The following PPL variants were observed in gnomAD, a reference collection of about 807,000 sequenced individuals.
PPL encodes periplakin.
PPL carries 198 observed loss-of-function variants against 194.4 expected under a neutral mutation model. The ratio of observed to expected loss-of-function variants is 1.02; its 90% CI spans 0.91 to 1.15. The LOEUF (loss-of-function observed/expected upper bound fraction) is 1.15. Ranked by LOEUF, PPL falls within the 50% of genes most tolerant of loss-of-function variation. The pLI is 0.00. For synonymous variants in PPL, 1,220 were observed against 972.4 expected (o/e 1.25, Z -4.74); for missense variants, 2,885 against 2,294.8 (o/e 1.26, Z -5.25).
At chr16:4,897,616 G>T in intron 9 of PPL, 59 bp downstream of exon 9, 1 of 1,381,244 alleles carries the variant, frequency 7.2e-7, no homozygotes, top group Non-Finnish European at 1.0e-6. Context: ...GGTAGGCACT[G>T]AGCGCTCTCA....
chr16:4,904,764 C>T (rs2088650016), intron 2 of PPL, among the ~76,000 whole-genome samples: 1 of 152,020 alleles, frequency 6.6e-6, no homozygotes, highest in African/African-American at 2.4e-5. Context: ...TGCTTAAAGG[C>T]GATGCCTCCA....
chr16:4,904,747 C>G (rs2088649469), intron 2 of PPL, among the ~76,000 whole-genome samples: 1 of 152,016 alleles, frequency 6.6e-6, no homozygotes. Context: ...CTGCACAGCT[C>G]CATTTGTGCT....
Position 4,887,201 on chromosome 16 carries a change from A to T in PPL, c.2541T>A (p.Thr847=). 6.2e-7 allele frequency: 1 copy of T among 1,614,130 alleles called. No individual in the cohort carries two copies. Among genetic ancestry groups the T allele is most frequent in the South Asian group, 1.1e-5 (1 of 91,080 alleles). The stretch of plus-strand genomic sequence containing the variant: ...TCTGTCTGTTGATGGCATAAACTTC[A>T]GTGAACTTGGCGGCAAGTGCTGCTT... ...EEEAALAAKF[T]EVYAINRQRL... Residue 847 remains threonine (T), a synonymous_variant, in exon 21 of 22, where the codon ACT becomes ACA. Coordinates refer to ENST00000345988, the MANE Select transcript of PPL (RefSeq NM_002705.5).
chr16:4,924,141 C>T (rs1296563761), intron 1 of PPL, among the ~76,000 whole-genome samples: 1 of 152,142 alleles, frequency 6.6e-6, no homozygotes, highest in Non-Finnish European at 1.5e-5. Context: ...GAAACTGAAC[C>T]TGAGCCACAC....
chr16:4,903,757 G>T, intron 3 of PPL, 129 bp downstream of exon 3: 1 of 1,052,354 alleles, frequency 9.5e-7, no homozygotes, highest in Non-Finnish European at 1.4e-6. Flanking sequence ...TGAAGCCTTT[G>T]GCACGTGCCT....
chr16:4,893,771 G>A, intron 12 of PPL, 133 bp from the exon 13 acceptor site: 1 of 677,690 alleles, frequency 1.5e-6, no homozygotes, highest in African/African-American at 1.8e-5. Flanking sequence ...GACAGCAAGT[G>A]CTCACTGTGG....
At chr16:4,901,401 A>G (rs1596558282) in intron 4 of PPL, among the ~76,000 whole-genome samples, 1 of 152,184 alleles carries the variant, frequency 6.6e-6, no homozygotes. Context: ...TAACATTGGG[A>G]AAGCTGGCCA....
Position 4,883,151 on chromosome 16 carries a change from T to C in PPL, c.*233A>G, listed in dbSNP as rs1332285388. On this transcript the variant is annotated 3_prime_UTR_variant, in exon 22 of 22. Transcript: ENST00000345988. The surrounding 1 kb of genome is among the most constrained non-coding windows in gnomAD (Gnocchi z 4.8). ...AGGAAAAGGCATCGCAGTTGTCCAG[T>C]CATTGGAGGATGAAGTACGTCACTC... The C allele has an allele frequency of 3.6e-6, 2 of 554,604 alleles. No individual in the cohort carries two copies. Among genetic ancestry groups the C allele is most frequent in the Non-Finnish European group, 6.4e-6 (2 of 313,310 alleles). The allele number at this position is 554,604 out of a possible 1,614,324, so 34.4% of individuals were successfully genotyped here.
rs113999036 is a variant in PPL at position 4,902,592 on chromosome 16, C to G, written c.318-66G>C. On this transcript the variant is annotated intron_variant, in intron 3 of 21. Transcript: ENST00000345988. This position sits in a 1 kb window ranked among gnomAD's most constrained non-coding sequence, Gnocchi z 4.0. ...ACTGCCTGCACCCCAGGAGGGGCCC[C>G]CCACCCAGACCCCGGCCTCAGTGTC... The G allele has an allele frequency of 1.4e-3, 2,141 of 1,565,138 alleles. 31 individuals are homozygous for G. In the African/African-American group the frequency reaches 0.026, roughly 19 times the overall value.
intron 8 of PPL, among the ~76,000 whole-genome samples, chr16:4,898,308 G>A (rs1208778378): frequency 1.3e-5 from 2 of 152,170 alleles, no homozygotes; most frequent in South Asian, 2.1e-4. Flanking sequence ...AACCCGGGAG[G>A]TGGAGGTTGC....
rs1382731664 is a variant in PPL at position 4,890,314 on chromosome 16, G to T, written c.2183C>A (p.Ala728Asp). Reference protein sequence around the residue: ...VERRAQSLQSAKAAYEHFHRG... With the variant: ...VERRAQSLQSDKAAYEHFHRG... The stretch of plus-strand genomic sequence containing the variant: ...GTGGAAGTGCTCGTAGGCTGCCTTG[G>T]CGCTCTGTAGGCTCTGCGCCCTGTC... The change falls in exon 18 of 22, where the codon GCC becomes GAC. Residue 728 changes from alanine to aspartate, a missense_variant. Ala to Asp is a moderately radical substitution (Grantham distance 126, BLOSUM62 -2). Transcript: ENST00000345988. 1 of 1,613,724 alleles carries T rather than the reference G, an allele frequency of 6.2e-7. No homozygotes were observed. Among genetic ancestry groups the T allele is most frequent in the African/African-American group, 1.3e-5 (1 of 74,926 alleles).
At chr16:4,927,102 T>C (rs532201510) in intron 1 of PPL, among the ~76,000 whole-genome samples, 1 of 152,264 alleles carries the variant, frequency 6.6e-6, no homozygotes, top group Non-Finnish European at 1.5e-5. Flanking sequence ...GTCATTACAA[T>C]AAATGTAAAT....
At position 4,903,775 on chromosome 16, in the gene PPL, A is replaced by C; in HGVS notation, c.317+111T>G. 3 of 1,306,468 alleles carry C rather than the reference A, an allele frequency of 2.3e-6. 1 individual carries two copies. The highest frequency in any genetic ancestry group is 3.2e-6 in the Non-Finnish European group (3 of 944,492). The allele number at this position is 1,306,468 out of a possible 1,614,324, so 80.9% of individuals were successfully genotyped here. On this transcript the variant is annotated intron_variant, in intron 3 of 21. Transcript: ENST00000345988. ...AGCCTTTGGCACGTGCCTGGCACCTAATTAGCCCTTGATAACCCCTGACTC... is the reference window on the plus strand; with the variant it reads ...AGCCTTTGGCACGTGCCTGGCACCTCATTAGCCCTTGATAACCCCTGACTC...
intron 21 of PPL, among the ~76,000 whole-genome samples, chr16:4,886,534 G>C (rs1379766001): frequency 6.6e-6 from 1 of 152,256 alleles, no homozygotes; most frequent in Non-Finnish European, 1.5e-5. Flanking sequence ...CTGATGAAGA[G>C]TGAACTGCTT....
At chr16:4,888,498 TCA>T (rs545680477) in intron 19 of PPL, among the ~76,000 whole-genome samples, 337 of 152,358 alleles carry the variant, frequency 2.2e-3, no homozygotes, top group African/African-American at 7.5e-3. Context: ...CTAGAGATTT[TCA>T]CATTCTGCTG....
intron 16 of PPL, 111 bp downstream of exon 16, chr16:4,891,700 C>T: frequency 1.4e-5 from 19 of 1,403,422 alleles, no homozygotes; most frequent in Non-Finnish European, 1.8e-5. Context: ...GCATTCCAAA[C>T]CTGGGGAGAC....
In PPL at chr16:4,890,265, C is replaced by T. The variant is rs150346859; in HGVS notation, c.2232G>A (p.Gln744=). ...HFHRGHDHVL[Q]FLVSIPSYEP... is the part of the protein sequence containing the mutation. ...CGTAACTGGGGATGCTGACTAGGAACTGCAGCACGTGGTCATGGCCGCGGT... is the reference window on the plus strand; with the variant it reads ...CGTAACTGGGGATGCTGACTAGGAATTGCAGCACGTGGTCATGGCCGCGGT... The change falls in exon 18 of 22, where the codon CAG becomes CAA. Residue 744 remains glutamine, a synonymous_variant. Coordinates refer to ENST00000345988, the MANE Select transcript of PPL (RefSeq NM_002705.5). 6.2e-7 allele frequency: 1 copy of T among 1,614,134 alleles called. No individual in the cohort carries two copies. Among genetic ancestry groups the T allele is most frequent in the South Asian group, 1.1e-5 (1 of 91,090 alleles).
chr16:4,886,437 A>G (rs1009821144), intron 21 of PPL, among the ~76,000 whole-genome samples: 3 of 152,214 alleles, frequency 2.0e-5, no homozygotes, highest in African/African-American at 7.2e-5. Flanking sequence ...TACAGAGCTC[A>G]TTCCAGCTCA....
rs184173780 is a variant in PPL at position 4,936,407 on chromosome 16, T to G, written c.62+577A>C. 5.0e-3 allele frequency among the ~76,000 whole-genome samples: 762 copies of G among 152,020 alleles called. 9 individuals are homozygous for G. Among genetic ancestry groups the G allele is most frequent in the Middle Eastern group, 0.037 (11 of 294 alleles). On this transcript the variant is annotated intron_variant, in intron 1 of 21. Transcript: ENST00000345988. The stretch of plus-strand genomic sequence containing the variant: ...GCGCAGGGTGGCAGGTGCCGGGAAG[T>G]GCAGCGGCGGGTGGCCCGCCCCCTC...
Sources: gnomAD v4.1 joint callset for allele counts (sites outside exome capture counted in the v4.1 genomes callset) on GRCh38, gnomAD v4.1.1 for gene constraint, Gnocchi (gnomAD v3.1) non-coding constraint, MANE v1.5 for transcripts, NCBI Gene and HGNC (gene_info 2026-07-23, HGNC 2026-07-21) for gene names.